MYLK: variants seen among roughly 807,000 people sequenced by gnomAD.
MYLK encodes the protein myosin light chain kinase, also known as myosin light chain kinase, smooth muscle.
In MYLK, 106 loss-of-function variants were observed where a neutral mutation model predicts 203.4. The observed-to-expected ratio is 0.52, with a 90% CI of 0.45 to 0.61. The LOEUF (loss-of-function observed/expected upper bound fraction) is 0.61, where lower values mean the gene tolerates loss of function less well. Ranked by LOEUF, MYLK falls within the 20% of genes least tolerant of loss-of-function variation. The pLI is 0.00. For missense variants in MYLK, 2,072 were observed against 2,442.3 expected, an observed-to-expected ratio of 0.85 and a Z score of 3.20; for synonymous variants, 867 against 959.5, an observed-to-expected ratio of 0.90 and a Z score of 1.78.
At chr3:123,811,932 C>T (rs544392551) in intron 3 of MYLK, among the ~76,000 whole-genome samples, 22 of 152,208 alleles carry the variant, frequency 1.4e-4, no homozygotes, top group Non-Finnish European at 4.4e-5. Context: ...CTTCTAACTA[C>T]TAACCCCCAT....
chr3:123,791,128 G>A (rs2064763493), intron 4 of MYLK, among the ~76,000 whole-genome samples: 1 of 152,206 alleles, frequency 6.6e-6, no homozygotes, highest in African/African-American at 2.4e-5. Flanking sequence ...TGTGTCCCAG[G>A]ACCTGGAGGG....
At chr3:123,666,700 C>T (rs887073518) in intron 21 of MYLK, among the ~76,000 whole-genome samples, 3 of 152,216 alleles carry the variant, frequency 2.0e-5, no homozygotes, top group African/African-American at 7.2e-5. Flanking sequence ...GTCACCCTGG[C>T]TGGCAGGCTT....
intron 3 of MYLK, among the ~76,000 whole-genome samples, chr3:123,794,797 A>G (rs1015481348): frequency 6.6e-6 from 1 of 152,218 alleles, no homozygotes; most frequent in African/African-American, 2.4e-5. Flanking sequence ...AAAATTACCA[A>G]TATGTAAAAA....
At chr3:123,771,918 G>A (rs2063897620) in intron 4 of MYLK, among the ~76,000 whole-genome samples, 1 of 152,132 alleles carries the variant, frequency 6.6e-6, no homozygotes, top group Non-Finnish European at 1.5e-5. Context: ...TAATGAGTGG[G>A]TATCATTTTT....
At chr3:123,866,056 C>T (rs1318323587) in intron 2 of MYLK, among the ~76,000 whole-genome samples, 1 of 152,204 alleles carries the variant, frequency 6.6e-6, no homozygotes, top group Admixed American at 6.5e-5. Flanking sequence ...AGTGAAGAAG[C>T]CTCCAAATGA....
intron 20 of MYLK, among the ~76,000 whole-genome samples, chr3:123,668,217 T>C (rs2059801967): frequency 6.6e-6 from 1 of 152,194 alleles, no homozygotes; most frequent in South Asian, 2.1e-4. Context: ...AATGAAAACC[T>C]ACAGGCACAC....
intron 27 of MYLK, among the ~76,000 whole-genome samples, chr3:123,641,748 C>CCCTCCCTCT: frequency 6.8e-6 from 1 of 146,724 alleles, no homozygotes; most frequent in African/African-American, 2.6e-5. Flanking sequence ...CTTCCTCCCT[C>CCCTCCCTCT]CGTCCCTCTC....
At chr3:123,866,593 G>C (rs764508486) in intron 2 of MYLK, among the ~76,000 whole-genome samples, 1 of 152,098 alleles carries the variant, frequency 6.6e-6, no homozygotes, top group Non-Finnish European at 1.5e-5. Context: ...TGAAATATCA[G>C]GATGAGGTTG....
rs746344193 is a variant in MYLK at position 123,707,938 on chromosome 3, G to A, written c.2206C>T (p.Gln736Ter). The A allele has an allele frequency of 6.2e-7, 1 of 1,614,194 alleles. No individual in the cohort carries two copies. Among genetic ancestry groups the A allele is most frequent in the East Asian group, 2.2e-5 (1 of 44,876 alleles). The change falls in exon 16 of 34, where the codon CAG becomes TAG. Residue 736 changes from glutamine (Q) to a stop codon, truncating the protein, a stop_gained. Coordinates refer to ENST00000360304, the MANE Select transcript of MYLK (RefSeq NM_053025.4). LOFTEE classifies it high-confidence loss of function. ...KPRSVTASLG[Q>*]SVLISCAIAG... The stretch of plus-strand genomic sequence containing the variant: ...ATGGCGCAGGAGATGAGGACACTCT[G>A]GCCCAGGGAGGCTGTCACTGAGCGA...
chr3:123,834,541 G>A lies in MYLK; in HGVS notation c.-126-2871C>T, dbSNP rs183444895. 1.4e-4 allele frequency among the ~76,000 whole-genome samples: 21 copies of A among 152,176 alleles called. No homozygotes were observed. The East Asian group carries it at 4.1e-3, about 29-fold the overall frequency. ...GGGGGTGCAGGTGGGTAAAGGTGGTGCAGGCAGGTTGCACGGGGTTAAGGG... is the reference window on the plus strand; with the variant it reads ...GGGGGTGCAGGTGGGTAAAGGTGGTACAGGCAGGTTGCACGGGGTTAAGGG... On this transcript the variant is annotated intron_variant, in intron 2 of 33. Coordinates refer to ENST00000360304, the MANE Select transcript of MYLK (RefSeq NM_053025.4).
At chr3:123,698,153 T>C (rs1467996650) in intron 18 of MYLK, among the ~76,000 whole-genome samples, 1 of 152,114 alleles carries the variant, frequency 6.6e-6, no homozygotes, top group Non-Finnish European at 1.5e-5. Context: ...CCAACTGACT[T>C]AACCTCAGTT....
chr3:123,825,666 C>G lies in MYLK; in HGVS notation c.-4+5882G>C, dbSNP rs561322924. On this transcript the variant is annotated intron_variant, in intron 3 of 33. Transcript: ENST00000360304. ...AGCCACCTCTGGATTGCATCCTGCT[C>G]TGGGGGCCAGTAAGTACTGCACCTT... Among the ~76,000 whole-genome samples, 394 of 152,350 alleles carry G rather than the reference C, an allele frequency of 2.6e-3. 3 individuals carry two copies. In the Middle Eastern group the frequency reaches 0.027, roughly 11 times the overall value.
intron 3 of MYLK, among the ~76,000 whole-genome samples, chr3:123,795,438 A>C (rs1255803343): frequency 6.6e-6 from 1 of 152,380 alleles, no homozygotes; most frequent in Middle Eastern, 3.4e-3. Context: ...TTATAAGTAC[A>C]TATCTGAGTT....
intron 27 of MYLK, among the ~76,000 whole-genome samples, chr3:123,646,376 C>A (rs1342054048): frequency 6.6e-6 from 1 of 152,192 alleles, no homozygotes; most frequent in African/African-American, 2.4e-5. Flanking sequence ...TTAGACTTTT[C>A]ACTGTGTATT....
rs369494886 is a variant in MYLK, at chr3:123,735,400, A to G, written c.771T>C (p.Asn257=). The G allele has an allele frequency of 4.0e-5, 65 of 1,613,996 alleles. No homozygotes were observed. Among genetic ancestry groups the G allele is most frequent in the Non-Finnish European group, 5.1e-5 (60 of 1,180,008 alleles). Residue 257 remains asparagine (N), a splice_region_variant and synonymous_variant, in exon 9 of 34, where the codon AAT becomes AAC. Coordinates refer to ENST00000360304, the MANE Select transcript of MYLK (RefSeq NM_053025.4). ...ELSIQGLDSA[N]RSFVRETKAT... ...AAAGTCACAAAGCCTAGACATACCT[A>G]TTGGCACTGTCCAAACCTGGAAAAA...
At chr3:123,690,870 G>A (rs941769992) in intron 19 of MYLK, among the ~76,000 whole-genome samples, 1 of 152,070 alleles carries the variant, frequency 6.6e-6, no homozygotes, top group African/African-American at 2.4e-5. Flanking sequence ...GATAAATAAT[G>A]ATGGTCATCA....
intron 29 of MYLK, among the ~76,000 whole-genome samples, chr3:123,632,077 C>T (rs901784383): frequency 5.9e-5 from 9 of 151,944 alleles, no homozygotes; most frequent in African/African-American, 1.9e-4. Flanking sequence ...TCACAGTGTT[C>T]GTCAGGATGG....
chr3:123,820,500 C>T (rs890973958), intron 3 of MYLK, among the ~76,000 whole-genome samples: 1 of 152,162 alleles, frequency 6.6e-6, no homozygotes, highest in African/African-American at 2.4e-5. Flanking sequence ...TCACTCCTGC[C>T]TCCTACCACT....
chr3:123,835,045 G>A (rs999923720), intron 2 of MYLK, among the ~76,000 whole-genome samples: 12 of 152,326 alleles, frequency 7.9e-5, no homozygotes, highest in Admixed American at 4.6e-4. Flanking sequence ...TCTAAATGAA[G>A]ACACAACTGG....
Sources: allele counts gnomAD v4.1 joint callset (sites outside exome capture counted in the v4.1 genomes callset), GRCh38; gene constraint gnomAD v4.1.1; transcripts MANE v1.5; gene names NCBI Gene and HGNC (gene_info 2026-07-23, HGNC 2026-07-21).